The following USP32 variants were observed in gnomAD, a reference collection of about 807,000 sequenced individuals.
The protein encoded by USP32 is ubiquitin carboxyl-terminal hydrolase 32.
A neutral mutation model predicts 204.8 loss-of-function variants in USP32; 59 were observed. The ratio of observed to expected loss-of-function variants is 0.29; its 90% confidence interval spans 0.23 to 0.36. USP32 has a LOEUF of 0.36. Ranked by LOEUF, USP32 falls within the 10% of genes least tolerant of loss-of-function variation. The pLI is 1.00. For synonymous variants in USP32, 517 were observed against 678.4 expected (o/e 0.76, Z 3.70); for missense variants, 1,160 against 1,946.4 (o/e 0.60, Z 7.60).
chr17:60,261,098 G>C (rs907402159), intron 9 of USP32, among the ~76,000 whole-genome samples: 1 of 152,156 alleles, frequency 6.6e-6, no homozygotes, highest in African/African-American at 2.4e-5. Flanking sequence ...AATGCCAACA[G>C]AGGGAGAAGC....
At position 60,391,959 on chromosome 17, in the gene USP32, C is replaced by T; in HGVS notation, c.-20G>A. The T allele has an allele frequency of 6.2e-7, 1 of 1,607,518 alleles. No individual in the cohort carries two copies. Among genetic ancestry groups the T allele is most frequent in the Non-Finnish European group, 8.5e-7 (1 of 1,177,250 alleles). On this transcript the variant is annotated 5_prime_UTR_variant, in exon 1 of 34. Coordinates refer to ENST00000300896, the MANE Select transcript of USP32 (RefSeq NM_032582.4). ...ACCCATGCTCCCCTCATCCCCTCGG[C>T]GGGGGGTCGGAGCCTGATCTCGCCC... is the stretch of plus-strand genomic sequence containing the variant.
chr17:60,290,164 C>T (rs937158318), intron 4 of USP32, among the ~76,000 whole-genome samples: 1 of 152,176 alleles, frequency 6.6e-6, no homozygotes, highest in Non-Finnish European at 1.5e-5. Flanking sequence ...AGATGACTTG[C>T]TGCAACTAAT....
chr17:60,422,234 C>A, intron 1 of USP32: 1 of 330,112 alleles, frequency 3.0e-6, no homozygotes, highest in South Asian at 2.7e-5. Context: ...AAAATGAGTT[C>A]AACAGCCTTA....
At chr17:60,200,840 T>C (rs535620350) in intron 26 of USP32, among the ~76,000 whole-genome samples, 3 of 152,352 alleles carry the variant, frequency 2.0e-5, no homozygotes, top group Non-Finnish European at 1.5e-5. Context: ...TAAATAGAAT[T>C]ACTTAATTCA....
intron 1 of USP32, among the ~76,000 whole-genome samples, chr17:60,378,550 T>C (rs1187446460): frequency 6.6e-6 from 1 of 152,184 alleles, no homozygotes; most frequent in Non-Finnish European, 1.5e-5. Flanking sequence ...AACTCAAATA[T>C]GTCCCATCAA....
At chr17:60,186,870 G>A (rs2084264723) in intron 29 of USP32, among the ~76,000 whole-genome samples, 1 of 152,126 alleles carries the variant, frequency 6.6e-6, no homozygotes, top group Non-Finnish European at 1.5e-5. Flanking sequence ...CATAGAGCCG[G>A]GATCCTTCTG....
chr17:60,331,357 G>C (rs2088378401), intron 2 of USP32, among the ~76,000 whole-genome samples: 1 of 152,122 alleles, frequency 6.6e-6, no homozygotes, highest in Non-Finnish European at 1.5e-5. Context: ...CTTGAGTCCA[G>C]GAGTTCAAGA....
intron 2 of USP32, among the ~76,000 whole-genome samples, chr17:60,335,062 A>G (rs1175532026): frequency 7.0e-6 from 1 of 142,668 alleles, no homozygotes; most frequent in African/African-American, 3.0e-5. Context: ...TGCAGCCTCA[A>G]TCTCCCAGCC....
chr17:60,201,080 A>G (rs2084663746), intron 26 of USP32, among the ~76,000 whole-genome samples: 1 of 151,610 alleles, frequency 6.6e-6, no homozygotes, highest in African/African-American at 2.4e-5. Flanking sequence ...CTGGTCTTAA[A>G]CTCCTGGGCT....
chr17:60,325,601 A>G (rs973128902), intron 2 of USP32, among the ~76,000 whole-genome samples: 4 of 152,036 alleles, frequency 2.6e-5, no homozygotes, highest in African/African-American at 9.7e-5. Context: ...CTACAAATGC[A>G]AAGCAAAAGA....
chr17:60,215,350 T>C (rs1010499086), intron 16 of USP32, among the ~76,000 whole-genome samples: 2 of 152,080 alleles, frequency 1.3e-5, no homozygotes, highest in African/African-American at 4.8e-5. Flanking sequence ...GTCCAAATTA[T>C]TGGCAATATT....
intron 1 of USP32, among the ~76,000 whole-genome samples, chr17:60,368,689 T>C (rs1226363951): frequency 1.3e-5 from 2 of 152,184 alleles, no homozygotes; most frequent in Non-Finnish European, 2.9e-5. Context: ...GGGGTTTATG[T>C]TTCTACTGCA....
chr17:60,297,766 G>A (rs149588621), intron 3 of USP32, among the ~76,000 whole-genome samples: 2 of 152,162 alleles, frequency 1.3e-5, no homozygotes, highest in Admixed American at 6.6e-5. Flanking sequence ...ATGAGCCACC[G>A]TGCCTGGCCA....
rs76797637 is a variant in USP32 at position 60,228,928 on chromosome 17, A to G, written c.1240-2697T>C. On this transcript the variant is annotated intron_variant, in intron 12 of 33. Coordinates refer to ENST00000300896, the MANE Select transcript of USP32 (RefSeq NM_032582.4). ...GTAATCCTCCTGCCTCAGTCACCCA[A>G]AGTGGTGGGATTACAGGTGTGAGCC... 2.1e-3 allele frequency among the ~76,000 whole-genome samples: 323 copies of G among 152,040 alleles called. 1 individual carries two copies. The highest frequency in any genetic ancestry group is 7.4e-3 in the African/African-American group (309 of 41,490).
chr17:60,358,775 G>A (rs1166141534), intron 1 of USP32, among the ~76,000 whole-genome samples: 1 of 152,118 alleles, frequency 6.6e-6, no homozygotes, highest in Non-Finnish European at 1.5e-5. Context: ...GAGGATGACG[G>A]TGCTTCGCAA....
At chr17:60,341,864 G>A (rs144699678) in intron 2 of USP32, among the ~76,000 whole-genome samples, 6 of 152,028 alleles carry the variant, frequency 3.9e-5, no homozygotes, top group Non-Finnish European at 5.9e-5. Flanking sequence ...CCTTTAGCTC[G>A]GAGAAGTTTG....
intron 5 of USP32, among the ~76,000 whole-genome samples, chr17:60,282,889 C>T (rs1440211983): frequency 2.0e-5 from 3 of 152,122 alleles, no homozygotes; most frequent in Non-Finnish European, 2.9e-5. Flanking sequence ...AAATGCATTT[C>T]GTCCACTAAA....
intron 11 of USP32, among the ~76,000 whole-genome samples, chr17:60,247,464 G>T (rs545221161): frequency 3.9e-4 from 60 of 152,278 alleles, no homozygotes; most frequent in Non-Finnish European, 6.5e-4. Context: ...ACAGGCATGA[G>T]CCACCTCGCC....
In USP32 at chr17:60,192,973, G is replaced by A. The variant is rs377689609; in HGVS notation, c.3435-43C>T. ...AAAAAGAGTGTAAGAAGCATTTCTG[G>A]TTCGAGGTCCAACTCCTCTTCATCT... is the stretch of plus-strand genomic sequence containing the variant. On this transcript the variant is annotated intron_variant, in intron 27 of 33. Coordinates refer to ENST00000300896, the MANE Select transcript of USP32 (RefSeq NM_032582.4). 5.0e-6 allele frequency: 8 copies of A among 1,603,616 alleles called. No individual in the cohort carries two copies. In the Admixed American group the frequency reaches 5.0e-5, roughly 10 times the overall value.
Sources: gnomAD v4.1 joint callset for allele counts (sites outside exome capture counted in the v4.1 genomes callset) on GRCh38, gnomAD v4.1.1 for gene constraint, MANE v1.5 for transcripts, NCBI Gene and HGNC (gene_info 2026-07-23, HGNC 2026-07-21) for gene names.